The following DNM1 variants were observed in gnomAD, a reference collection of about 807,000 sequenced individuals.
The protein encoded by DNM1 is dynamin-1.
DNM1 carries 29 observed loss-of-function variants against 104.6 expected under a neutral mutation model. The observed-to-expected ratio is 0.28, with a 90% CI of 0.21 to 0.38. The LOEUF is 0.38. DNM1 is among the 10% of genes least tolerant of loss of function. DNM1 has a pLI of 1.00. For missense variants in DNM1, 640 were observed against 1,189.4 expected (o/e 0.54, Z 6.79); for synonymous variants, 445 against 475.8 (o/e 0.94, Z 0.84).
At position 128,245,331 on chromosome 9, in the gene DNM1, C is replaced by T. The variant is rs1836721648; in HGVS notation, c.1672-1063C>T. On this transcript the variant is annotated intron_variant, in intron 15 of 21. Transcript: ENST00000372923. The surrounding 1 kb of genome is among the most constrained non-coding windows in gnomAD (Gnocchi z 5.2). Reference sequence around the variant, plus strand: ...GGAGCAAGGTCCCCCTAAACCCAGCCCCCCACCTGAGATCCTAGGCAAGGC... The same window carrying T: ...GGAGCAAGGTCCCCCTAAACCCAGCTCCCCACCTGAGATCCTAGGCAAGGC... Among the ~76,000 whole-genome samples the T allele has an allele frequency of 6.6e-6, 1 of 152,088 alleles. No individual in the cohort carries two copies. The highest frequency in any genetic ancestry group is 1.5e-5 in the Non-Finnish European group (1 of 67,994).
chr9:128,205,577 C>T (rs1156828395), intron 1 of DNM1, among the ~76,000 whole-genome samples: 1 of 152,214 alleles, frequency 6.6e-6, no homozygotes, highest in East Asian at 1.9e-4. Context: ...GGTCCTGCAC[C>T]AGGCACAGGG....
At position 128,253,133 on chromosome 9, in the gene DNM1, C is replaced by T. The variant is rs1221174308; in HGVS notation, c.2535-1521C>T. On this transcript the variant is annotated intron_variant, in intron 21 of 21. Coordinates refer to ENST00000372923, the MANE Select transcript of DNM1 (RefSeq NM_004408.4). This position sits in a 1 kb window ranked among gnomAD's most constrained non-coding sequence, Gnocchi z 5.9. ...ATCAGTGACCCCTGAGGAGCGTCAG[C>T]CATGGTAGGTACATGCCTCACCGCC... 6.2e-7 allele frequency: 1 copy of T among 1,606,492 alleles called. No individual in the cohort carries two copies.
chr9:128,246,318 A>C, intron 15 of DNM1, 76 bp from the exon 16 acceptor site: 7 of 1,022,880 alleles, frequency 6.8e-6, no homozygotes, highest in Non-Finnish European at 9.3e-6. Flanking sequence ...TGGGCCAGTC[A>C]GGGGGACTCT....
Position 128,248,248 on chromosome 9 carries a change from AC to A in DNM1, c.1905+316del. On this transcript the variant is annotated intron_variant, in intron 18 of 21. Coordinates refer to ENST00000372923, the MANE Select transcript of DNM1 (RefSeq NM_004408.4). This position sits in a 1 kb window ranked among gnomAD's most constrained non-coding sequence, Gnocchi z 5.6. ...AGGCTGAGGCAGGAGAATCGCTTGA[AC>A]CCAGGAGGAGGTTGCAATGAGCCAA... The A allele has an allele frequency of 4.0e-6, 2 of 502,158 alleles. No homozygotes were observed. Among genetic ancestry groups the A allele is most frequent in the Non-Finnish European group, 7.2e-6 (2 of 278,508 alleles). The allele number at this position is 502,158 out of a possible 1,614,324, so 31.1% of individuals were successfully genotyped here. A position where few individuals can be genotyped will look rare whatever the true frequency, so the allele number is the denominator to read the frequency against.
At position 128,234,003 on chromosome 9, in the gene DNM1, C is replaced by T. The variant is rs759128417; in HGVS notation, c.1336-18C>T. On this transcript the variant is annotated intron_variant, in intron 10 of 21. Coordinates refer to ENST00000372923, the MANE Select transcript of DNM1 (RefSeq NM_004408.4). ...GCCCTCTGTGTACGTGGCTTTCTGCCCTCCTGCCCTTCCCCAGCTCCAGCA... is the reference window on the plus strand; with the variant it reads ...GCCCTCTGTGTACGTGGCTTTCTGCTCTCCTGCCCTTCCCCAGCTCCAGCA... 4.6e-5 allele frequency: 72 copies of T among 1,553,920 alleles called. No homozygotes were observed. The highest frequency in any genetic ancestry group is 6.1e-5 in the Non-Finnish European group (70 of 1,148,760).
chr9:128,228,640 A>G (rs1215417353), intron 10 of DNM1, among the ~76,000 whole-genome samples: 1 of 152,248 alleles, frequency 6.6e-6, no homozygotes, highest in Non-Finnish European at 1.5e-5. Context: ...AAGAAAAGCA[A>G]AACTATCCAC....
Position 128,220,895 on chromosome 9 carries a change from TTCTTTCTTTC to T in DNM1, c.849+556_849+565del, listed in dbSNP as rs1834939283. Among the ~76,000 whole-genome samples, 1 of 112,178 alleles carries T rather than the reference TTCTTTCTTTC, an allele frequency of 8.9e-6. No individual in the cohort carries two copies. Among genetic ancestry groups the T allele is most frequent in the East Asian group, 2.0e-4 (1 of 4,888 alleles). 73.6% of individuals were successfully genotyped at this position (112,178 alleles called of 152,430 possible). On this transcript the variant is annotated intron_variant, in intron 6 of 21. Transcript: ENST00000372923. This position sits in a 1 kb window ranked among gnomAD's most constrained non-coding sequence, Gnocchi z 5.2. ...TTTTTTCTTTATTTGTTTTCTTTCTTTCTTTCTTTCTTTCTTTCTTTCTTTCTTTCTTTCT... is the reference window on the plus strand; with the variant it reads ...TTTTTTCTTTATTTGTTTTCTTTCTTTTTCTTTCTTTCTTTCTTTCTTTCT...
chr9:128,222,400 T>A lies in DNM1; in HGVS notation c.992+61T>A. The A allele has an allele frequency of 6.2e-7, 1 of 1,609,754 alleles. No individual in the cohort carries two copies. The highest frequency in any genetic ancestry group is 8.5e-7 in the Non-Finnish European group (1 of 1,176,792). On this transcript the variant is annotated intron_variant, in intron 7 of 21. Coordinates refer to ENST00000372923, the MANE Select transcript of DNM1 (RefSeq NM_004408.4). The surrounding 1 kb of genome is among the most constrained non-coding windows in gnomAD (Gnocchi z 7.8). ...CCCCCAGCCTCTCAGCGTGGGGCTC[T>A]CCCAGGGTTCCCTTTGCTGGGCTGC...
In DNM1 at chr9:128,245,525, G is replaced by A. The variant is rs1423123516; in HGVS notation, c.1672-869G>A. On this transcript the variant is annotated intron_variant, in intron 15 of 21. Transcript: ENST00000372923. The surrounding 1 kb of genome is among the most constrained non-coding windows in gnomAD (Gnocchi z 5.2). ...GACACAGCAGCCTACATACACATGT[G>A]CCCACACCGAGCACACACATGGGCC... Among the ~76,000 whole-genome samples, 2 of 151,814 alleles carry A rather than the reference G, an allele frequency of 1.3e-5. No homozygotes were observed. The highest frequency in any genetic ancestry group is 2.9e-5 in the Non-Finnish European group (2 of 67,966).
At chr9:128,211,225 T>G (rs2502730) in intron 1 of DNM1, among the ~76,000 whole-genome samples, 74,197 of 151,960 alleles carry the variant, frequency 0.49, 21,821 homozygotes, top group Admixed American at 0.67. Flanking sequence ...CCCGACAGCA[T>G]GAAACTCTCT....
intron 11 of DNM1, among the ~76,000 whole-genome samples, chr9:128,239,199 T>C (rs546663628): frequency 6.6e-6 from 1 of 151,928 alleles, no homozygotes; most frequent in African/African-American, 2.4e-5. Context: ...GGTCTCCCTA[T>C]GTTGCCCAGG....
At chr9:128,238,255 G>A (rs1205783460) in intron 11 of DNM1, among the ~76,000 whole-genome samples, 2 of 151,552 alleles carry the variant, frequency 1.3e-5, no homozygotes, top group Admixed American at 1.3e-4. Context: ...ACAGAGTTTC[G>A]CTCTTGTTGC....
chr9:128,244,908 C>T (rs774660548), intron 15 of DNM1: 1 of 403,524 alleles, frequency 2.5e-6, no homozygotes, highest in African/African-American at 2.0e-5. Context: ...CCCCCCAACC[C>T]CAGCCTGTGT....
chr9:128,226,450 C>T (rs1219706882), intron 10 of DNM1, among the ~76,000 whole-genome samples: 1 of 152,256 alleles, frequency 6.6e-6, no homozygotes, highest in Non-Finnish European at 1.5e-5. Context: ...TGAGCACCTA[C>T]TATGTGCCAA....
At position 128,254,576 on chromosome 9, in the gene DNM1, C is replaced by G. The variant is rs1432045086; in HGVS notation, c.2535-78C>G. 3.8e-6 allele frequency: 6 copies of G among 1,590,766 alleles called. No homozygotes were observed. The East Asian group carries it at 1.3e-4, about 36-fold the overall frequency. On this transcript the variant is annotated intron_variant, in intron 21 of 21. Coordinates refer to ENST00000372923, the MANE Select transcript of DNM1 (RefSeq NM_004408.4). This position sits in a 1 kb window ranked among gnomAD's most constrained non-coding sequence, Gnocchi z 6.1. ...CTGCTGCGGCGCGGCCGGCCCCGGC[C>G]GTGTGCTGCGCTTGCCTTACCAGCT...
At chr9:128,242,419 T>G in intron 15 of DNM1, 74 bp downstream of exon 15, 1 of 842,018 alleles carries the variant, frequency 1.2e-6, no homozygotes, top group Middle Eastern at 2.2e-4. Flanking sequence ...CCCATGGGCT[T>G]GGAGTGGGCT....
At chr9:128,252,988 G>A in intron 21 of DNM1, 1 of 983,226 alleles carries the variant, frequency 1.0e-6, no homozygotes, top group Admixed American at 1.8e-5. Flanking sequence ...GGGCCATGGG[G>A]CCTCACAGCA....
At chr9:128,229,433 C>CA (rs997175749) in intron 10 of DNM1, among the ~76,000 whole-genome samples, 2 of 151,548 alleles carry the variant, frequency 1.3e-5, no homozygotes, top group Non-Finnish European at 1.5e-5. Context: ...CCTGTCTCTA[C>CA]AAAAAATAAA....
chr9:128,252,916 A>T, intron 21 of DNM1: 1 of 695,218 alleles, frequency 1.4e-6, no homozygotes. Context: ...GGGCACTGGG[A>T]GGTGGCGGGG....
Sources: allele counts gnomAD v4.1 joint callset (sites outside exome capture counted in the v4.1 genomes callset), GRCh38; gene constraint gnomAD v4.1.1; non-coding constraint Gnocchi (gnomAD v3.1); transcripts MANE v1.5; gene names NCBI Gene and HGNC (gene_info 2026-07-23, HGNC 2026-07-21).